The following ATP6V1A variants were observed in gnomAD, a reference collection of about 807,000 sequenced individuals.
The protein encoded by ATP6V1A is ATPase H+ transporting V1 subunit A.
In ATP6V1A, 18 loss-of-function variants were observed where a neutral mutation model predicts 70.1. That is an observed-to-expected ratio of 0.26 (90% confidence interval 0.18 to 0.38). The LOEUF is 0.38. Ranked by LOEUF, ATP6V1A falls within the 10% of genes least tolerant of loss-of-function variation. ATP6V1A has a pLI of 1.00. For synonymous variants in ATP6V1A, 232 were observed against 253.8 expected (o/e 0.91, Z 0.82); for missense variants, 424 against 772.4 (o/e 0.55, Z 5.35).
chr3:113,805,535 GT>G lies in ATP6V1A; in HGVS notation c.1761+13del, dbSNP rs745453205. ...CTCCATGAAATTCAAGGTATATTTT[GT>G]TTCTGCTGTAACTTTTTTTATTTGG... On this transcript the variant is annotated intron_variant, in intron 14 of 14. Transcript: ENST00000273398. 43 of 1,587,318 alleles carry G rather than the reference GT, an allele frequency of 2.7e-5. No homozygotes were observed. Among genetic ancestry groups the G allele is most frequent in the African/African-American group, 6.8e-5 (5 of 73,328 alleles).
chr3:113,758,507 C>G (rs745629451), intron 1 of ATP6V1A, among the ~76,000 whole-genome samples: 1 of 152,060 alleles, frequency 6.6e-6, no homozygotes, highest in Non-Finnish European at 1.5e-5. Flanking sequence ...TTACATGTAT[C>G]GATGATTCAT....
rs751090149 is a variant in ATP6V1A, at chr3:113,784,436, C to T, written c.424C>T (p.Arg142Trp). The T allele has an allele frequency of 2.6e-5, 41 of 1,604,656 alleles. No individual in the cohort carries two copies. The highest frequency in any genetic ancestry group is 3.4e-5 in the Non-Finnish European group (40 of 1,172,502). Reference sequence around the variant, plus strand: ...GGACTTTACACCTTGCAAAAACCTACGGGTATGTCTGTGTAACCAAGAATT... The same window carrying T: ...GGACTTTACACCTTGCAAAAACCTATGGGTATGTCTGTGTAACCAAGAATT... Reference protein sequence around the residue: ...KWDFTPCKNLRVGSHITGGDI... With the variant: ...KWDFTPCKNLWVGSHITGGDI... Residue 142 changes from arginine (R) to tryptophan (W), a missense_variant and splice_region_variant, in exon 4 of 15, where the codon CGG becomes TGG. This residue lies in a region of ATP6V1A where 139 missense variants were observed against 163.5 expected (regional missense o/e 0.85). Coordinates refer to ENST00000273398, the MANE Select transcript of ATP6V1A (RefSeq NM_001690.4).
chr3:113,749,955 T>C (rs1489397925), intron 1 of ATP6V1A, among the ~76,000 whole-genome samples: 1 of 152,190 alleles, frequency 6.6e-6, no homozygotes. Context: ...AGCATGTTTG[T>C]TTACTAATAA....
rs1326261614 is a variant in ATP6V1A, at chr3:113,786,904, G to A, written c.716+521G>A. ...AATCCTCCTCCTGCCTCACCCTCCT[G>A]AGTAGCTGGGACCACAGGCATGCAC... is the stretch of plus-strand genomic sequence containing the variant. On this transcript the variant is annotated intron_variant, in intron 6 of 14. Transcript: ENST00000273398. Among the ~76,000 whole-genome samples the A allele has an allele frequency of 2.6e-5, 4 of 151,616 alleles. No homozygotes were observed. The East Asian group carries it at 7.7e-4, about 29-fold the overall frequency.
chr3:113,808,706 A>T (rs1005665005), intron 14 of ATP6V1A, among the ~76,000 whole-genome samples: 4 of 152,216 alleles, frequency 2.6e-5, no homozygotes, highest in Non-Finnish European at 4.4e-5. Flanking sequence ...ATTCCTAATT[A>T]TCATGCATTA....
intron 1 of ATP6V1A, among the ~76,000 whole-genome samples, chr3:113,764,082 A>C (rs750996715): frequency 6.6e-6 from 1 of 152,052 alleles, no homozygotes; most frequent in South Asian, 2.1e-4. Context: ...TTTACATAAA[A>C]ATCAAAAAGC....
At chr3:113,796,646 T>TAA (rs34033124) in intron 11 of ATP6V1A, among the ~76,000 whole-genome samples, 1 of 146,320 alleles carries the variant, frequency 6.8e-6, no homozygotes, top group South Asian at 2.2e-4. Flanking sequence ...GAGCTATAGT[T>TAA]AAAAAAAAAA....
chr3:113,796,004 T>A, intron 11 of ATP6V1A, 65 bp downstream of exon 11: 1 of 1,272,366 alleles, frequency 7.9e-7, no homozygotes, highest in Non-Finnish European at 1.1e-6. Context: ...CCTGCTGTTC[T>A]AATGCGATCT....
In ATP6V1A at chr3:113,798,220, G is replaced by T. The variant is rs111904789; in HGVS notation, c.1291-23G>T. 292 of 1,604,952 alleles carry T rather than the reference G, an allele frequency of 1.8e-4. 10 individuals are homozygous for T. In the African/African-American group the frequency reaches 2.6e-3, roughly 14 times the overall value. Reference sequence around the variant, plus strand: ...TTTTTTGAGAAAAATTACTGTTTTTGTGTGTGTGTTTTTTTTAATCAGGTG... The same window carrying T: ...TTTTTTGAGAAAAATTACTGTTTTTTTGTGTGTGTTTTTTTTAATCAGGTG... On this transcript the variant is annotated intron_variant, in intron 11 of 14. Coordinates refer to ENST00000273398, the MANE Select transcript of ATP6V1A (RefSeq NM_001690.4).
At chr3:113,770,469 G>A (rs187480160) in intron 1 of ATP6V1A, among the ~76,000 whole-genome samples, 1 of 152,034 alleles carries the variant, frequency 6.6e-6, no homozygotes, top group East Asian at 2.0e-4. Flanking sequence ...CCTGAGGTCA[G>A]CAGTTCCAGA....
At chr3:113,776,944 C>A (rs189009737) in intron 1 of ATP6V1A, among the ~76,000 whole-genome samples, 2 of 152,302 alleles carry the variant, frequency 1.3e-5, no homozygotes, top group South Asian at 2.1e-4. Context: ...TTCTACCTGA[C>A]CTTCAAGGTA....
At chr3:113,798,791 C>T (rs530352081) in intron 12 of ATP6V1A, among the ~76,000 whole-genome samples, 1 of 152,090 alleles carries the variant, frequency 6.6e-6, no homozygotes, top group Non-Finnish European at 1.5e-5. Flanking sequence ...TAGCTATTGG[C>T]CTTAAACAGG....
chr3:113,775,687 T>C (rs1695565706), intron 1 of ATP6V1A, among the ~76,000 whole-genome samples: 1 of 152,208 alleles, frequency 6.6e-6, no homozygotes, highest in South Asian at 2.1e-4. Context: ...ATCCCAAGTC[T>C]GCTGACCCAA....
chr3:113,773,588 CTG>C (rs990918803), intron 1 of ATP6V1A, among the ~76,000 whole-genome samples: 4 of 152,296 alleles, frequency 2.6e-5, no homozygotes, highest in Non-Finnish European at 5.9e-5. Flanking sequence ...GAGGCATGCA[CTG>C]TTTAAGTCTT....
chr3:113,753,572 A>T (rs1241949300), intron 1 of ATP6V1A, among the ~76,000 whole-genome samples: 1 of 152,156 alleles, frequency 6.6e-6, no homozygotes, highest in African/African-American at 2.4e-5. Flanking sequence ...GGGTATTGTT[A>T]TGTAAATTAT....
At chr3:113,755,380 G>T (rs962288651) in intron 1 of ATP6V1A, among the ~76,000 whole-genome samples, 1 of 147,770 alleles carries the variant, frequency 6.8e-6, no homozygotes, top group Non-Finnish European at 1.5e-5. Flanking sequence ...GATGCAGGCG[G>T]ATTGCTTGAG....
chr3:113,806,991 A>T (rs959634433), intron 14 of ATP6V1A, among the ~76,000 whole-genome samples: 1 of 151,846 alleles, frequency 6.6e-6, no homozygotes, highest in African/African-American at 2.4e-5. Flanking sequence ...TTATATATAT[A>T]TTTTGTGTGT....
intron 1 of ATP6V1A, among the ~76,000 whole-genome samples, chr3:113,762,345 G>A (rs1034990045): frequency 2.6e-5 from 4 of 152,026 alleles, no homozygotes; most frequent in African/African-American, 9.7e-5. Context: ...AAAGCGGGCG[G>A]ATCACCTGAG....
At chr3:113,799,226 A>G (rs542169934) in intron 12 of ATP6V1A, among the ~76,000 whole-genome samples, 1 of 152,300 alleles carries the variant, frequency 6.6e-6, no homozygotes, top group Admixed American at 6.5e-5. Context: ...GTCTAGTAGG[A>G]TATTAAAGAA....
Sources: allele counts gnomAD v4.1 joint callset (sites outside exome capture counted in the v4.1 genomes callset), GRCh38; gene constraint gnomAD v4.1.1; regional missense constraint gnomAD v4.1.1; transcripts MANE v1.5; gene names NCBI Gene and HGNC (gene_info 2026-07-23, HGNC 2026-07-21).